CNOT3: variants seen among roughly 807,000 people sequenced by gnomAD.
CNOT3 encodes CCR4-associated factor 3.
CNOT3 carries 2 observed loss-of-function variants against 89.4 expected under a neutral mutation model. That is an observed-to-expected ratio of 0.02 (90% CI 0.01 to 0.07). The LOEUF (loss-of-function observed/expected upper bound fraction) is 0.07. Ranked by LOEUF, CNOT3 falls within the 10% of genes least tolerant of loss-of-function variation. The pLI is 1.00. For synonymous variants in CNOT3, 486 were observed against 402.0 expected (o/e 1.21, Z -2.50); for missense variants, 664 against 1,010.2 (o/e 0.66, Z 4.65).
intron 9 of CNOT3, 62 bp downstream of exon 9, chr19:54,146,105 A>G: frequency 1.9e-6 from 3 of 1,584,674 alleles, no homozygotes; most frequent in African/African-American, 1.3e-5. Flanking sequence ...GAGGAGACAA[A>G]TCTGGGTCAC....
chr19:54,139,611 C>G (rs1203910235), intron 1 of CNOT3, among the ~76,000 whole-genome samples: 1 of 152,124 alleles, frequency 6.6e-6, no homozygotes, highest in Non-Finnish European at 1.5e-5. Context: ...GTGTCCACGC[C>G]TCTGCATGTG....
At chr19:54,149,076 CA>C (rs1172823874) in intron 12 of CNOT3, among the ~76,000 whole-genome samples, 5 of 152,226 alleles carry the variant, frequency 3.3e-5, no homozygotes, top group African/African-American at 4.8e-5. Context: ...TTTCACTTTT[CA>C]AAGTGAATTG....
At position 54,155,412 on chromosome 19, in the gene CNOT3, G is replaced by T. The variant is rs201836403; in HGVS notation, c.*5G>T. The T allele has an allele frequency of 1.9e-6, 3 of 1,578,440 alleles. No individual in the cohort carries two copies. In the South Asian group the frequency reaches 3.4e-5, roughly 18 times the overall value. On this transcript the variant is annotated 3_prime_UTR_variant, in exon 18 of 18. Coordinates refer to ENST00000221232, the MANE Select transcript of CNOT3 (RefSeq NM_014516.4). ...GAGGACCGGGACCTCCAGTGACACC[G>T]GCCCCTCCCTCTACCCACCCCCTTC... is the stretch of plus-strand genomic sequence containing the variant.
At position 54,149,642 on chromosome 19, in the gene CNOT3, C is replaced by T; in HGVS notation, c.1489C>T (p.Leu497=). 1 of 1,614,028 alleles carries T rather than the reference C, an allele frequency of 6.2e-7. No individual in the cohort carries two copies. The highest frequency in any genetic ancestry group is 8.5e-7 in the Non-Finnish European group (1 of 1,179,936). ...SGNNSGGPSL[L]VPLPVNPPSS... Reference sequence around the variant, plus strand: ...GAACAACTCAGGGGGACCCAGCCTCCTGGTGCCACTGCCTGTGAATCCTCC... The same window carrying T: ...GAACAACTCAGGGGGACCCAGCCTCTTGGTGCCACTGCCTGTGAATCCTCC... The change falls in exon 13 of 18, where the codon CTG becomes TTG. Residue 497 remains leucine (L), a synonymous_variant. Transcript: ENST00000221232.
chr19:54,152,785 G>A (rs781444723), intron 15 of CNOT3, 82 bp from the exon 16 acceptor site: 16 of 844,760 alleles, frequency 1.9e-5, no homozygotes, highest in Admixed American at 1.2e-4. Context: ...ACCTCCCCCC[G>A]CAGGGATGCA....
intron 1 of CNOT3, among the ~76,000 whole-genome samples, chr19:54,139,133 T>C (rs1373837927): frequency 6.6e-6 from 1 of 152,206 alleles, no homozygotes; most frequent in Non-Finnish European, 1.5e-5. Flanking sequence ...GAGCAGTCCC[T>C]GCCTCTCAGT....
chr19:54,153,126 T>C (rs771345105), intron 16 of CNOT3, 127 bp downstream of exon 16: 1 of 786,684 alleles, frequency 1.3e-6, no homozygotes, highest in African/African-American at 1.7e-5. Flanking sequence ...CCCCTCCCTA[T>C]TCCCACTCCT....
In CNOT3 at chr19:54,152,898, C is replaced by T. The variant is rs2146769177; in HGVS notation, c.1936C>T (p.Pro646Ser). The T allele has an allele frequency of 6.5e-7, 1 of 1,538,646 alleles. No homozygotes were observed. The highest frequency in any genetic ancestry group is 1.2e-5 in the South Asian group (1 of 84,446). Residue 646 changes from proline to serine, a missense_variant, in exon 16 of 18, where the codon CCC becomes TCC. This residue lies in a region of CNOT3 where 545 missense variants were observed against 566.2 expected (regional missense o/e 0.96). Transcript: ENST00000221232. ...CCTCCCCCGGAACCCCTGTCCGACG[C>T]CCCCCTACCACCACCAGATGCCACC... ...QYLPRNPCPTPPYHHQMPPPH... is the reference protein window; with the variant it reads ...QYLPRNPCPTSPYHHQMPPPH...
intron 17 of CNOT3, chr19:54,155,091 T>C (rs1319556393): frequency 5.1e-6 from 3 of 585,890 alleles, no homozygotes; most frequent in Admixed American, 3.3e-5. Context: ...GTGGAACCTC[T>C]GCGGCCCCCT....
chr19:54,153,674 T>G, intron 16 of CNOT3, 41 bp from the exon 17 acceptor site: 5 of 1,582,368 alleles, frequency 3.2e-6, no homozygotes, highest in Non-Finnish European at 2.6e-6. Flanking sequence ...CCACCCAGTT[T>G]GGGGGCCCCC....
chr19:54,147,578 G>A (rs1213235035), intron 10 of CNOT3, among the ~76,000 whole-genome samples: 1 of 152,214 alleles, frequency 6.6e-6, no homozygotes. Context: ...AAGCCCAGGA[G>A]GTGGTTAGGC....
At chr19:54,153,382 C>T (rs1002204382) in intron 16 of CNOT3, 3 of 767,374 alleles carry the variant, frequency 3.9e-6, no homozygotes, top group Admixed American at 3.4e-5. Flanking sequence ...GTCCAGCCCC[C>T]TCCCAACCCC....
In CNOT3 at chr19:54,148,132, T is replaced by C; in HGVS notation, c.895-16T>C. On this transcript the variant is annotated splice_polypyrimidine_tract_variant and intron_variant, in intron 10 of 17. Transcript: ENST00000221232. The surrounding 1 kb of genome is among the most constrained non-coding windows in gnomAD (Gnocchi z 6.3). ...GGCCCACTGGGTCCTGACCCTCTGC[T>C]CTCTCCCACCCGCAGTCTCCAGCCA... The C allele has an allele frequency of 6.8e-7, 1 of 1,466,938 alleles. No individual in the cohort carries two copies. The highest frequency in any genetic ancestry group is 2.6e-5 in the East Asian group (1 of 38,770). 90.9% of individuals were successfully genotyped at this position (1,466,938 alleles called of 1,614,324 possible). A position where few individuals can be genotyped will look rare whatever the true frequency, so the allele number is the denominator to read the frequency against.
At position 54,155,623 on chromosome 19, in the gene CNOT3, T is replaced by G. The variant is rs1428992285; in HGVS notation, c.*216T>G. ...CTCCTCCCCTCCCCAGTGAGGGACA[T>G]TTTTTGGTAAACCTATTTTCATTTT... On this transcript the variant is annotated 3_prime_UTR_variant, in exon 18 of 18. Coordinates refer to ENST00000221232, the MANE Select transcript of CNOT3 (RefSeq NM_014516.4). 2 of 1,283,390 alleles carry G rather than the reference T, an allele frequency of 1.6e-6. No individual in the cohort carries two copies. Among genetic ancestry groups the G allele is most frequent in the African/African-American group, 1.5e-5 (1 of 67,072 alleles). The allele number at this position is 1,283,390 out of a possible 1,614,324, so 79.5% of individuals were successfully genotyped here. A position where few individuals can be genotyped will look rare whatever the true frequency, so the allele number is the denominator to read the frequency against.
chr19:54,138,447 C>T (rs1032763060), intron 1 of CNOT3, among the ~76,000 whole-genome samples: 25 of 152,018 alleles, frequency 1.6e-4, no homozygotes, highest in African/African-American at 5.8e-4. Flanking sequence ...CCCTCGGCCT[C>T]GGTCCTTCGC....
rs587620376 is a variant in CNOT3, at chr19:54,148,705, C to T, written c.1368C>T (p.Gly456=). The T allele has an allele frequency of 1.9e-6, 3 of 1,611,628 alleles. No homozygotes were observed. Among genetic ancestry groups the T allele is most frequent in the Non-Finnish European group, 2.5e-6 (3 of 1,179,146 alleles). Residue 456 remains glycine (G), a synonymous_variant, in exon 12 of 18, where the codon GGC becomes GGT. Transcript: ENST00000221232. The surrounding 1 kb of genome is among the most constrained non-coding windows in gnomAD (Gnocchi z 6.3). ...GGNNASSQAL[G]PPSGPHNPPP... is the part of the protein sequence containing the mutation. The stretch of plus-strand genomic sequence containing the variant: ...ACAATGCCAGCAGCCAGGCCTTGGG[C>T]CCCCCTTCCGGCCCCCACAACCCAC...
chr19:54,139,360 C>T (rs756438613), intron 1 of CNOT3, among the ~76,000 whole-genome samples: 18 of 152,174 alleles, frequency 1.2e-4, no homozygotes, highest in Admixed American at 4.6e-4. Flanking sequence ...GACTTCCCAT[C>T]TACCCTTACG....
chr19:54,149,192 G>A (rs1253574145), intron 12 of CNOT3, among the ~76,000 whole-genome samples: 10 of 152,148 alleles, frequency 6.6e-5, no homozygotes, highest in Admixed American at 6.5e-4. Context: ...AGATCAGTGT[G>A]CACAAAGGAA....
chr19:54,152,178 G>A (rs139001700), intron 13 of CNOT3, 48 bp from the exon 14 acceptor site: 1 of 1,603,316 alleles, frequency 6.2e-7, no homozygotes, highest in African/African-American at 1.3e-5. Flanking sequence ...GGCTGCACTT[G>A]CTCCTGCAGC....
Sources: allele counts gnomAD v4.1 joint callset (sites outside exome capture counted in the v4.1 genomes callset), GRCh38; gene constraint gnomAD v4.1.1; regional missense constraint gnomAD v4.1.1; non-coding constraint Gnocchi (gnomAD v3.1); transcripts MANE v1.5; gene names NCBI Gene and HGNC (gene_info 2026-07-23, HGNC 2026-07-21).